Variants in SLC44A5 observed in about 807,000 individuals in gnomAD.
SLC44A5 encodes choline transporter-like protein 5.
In SLC44A5, 57 loss-of-function variants were observed where a neutral mutation model predicts 101.8. The ratio of observed to expected loss-of-function variants is 0.56; its 90% confidence interval spans 0.45 to 0.70. The LOEUF (loss-of-function observed/expected upper bound fraction) is 0.70, where lower values mean the gene tolerates loss of function less well. Ranked by LOEUF, SLC44A5 falls within the 30% of genes least tolerant of loss-of-function variation. The pLI is 0.00. For missense variants in SLC44A5, 737 were observed against 853.1 expected (o/e 0.86, Z 1.70); for synonymous variants, 281 against 290.9 (o/e 0.97, Z 0.35).
chr1:75,242,232 A>G (rs1648698551), intron 8 of SLC44A5, among the ~76,000 whole-genome samples, 171 bp from the exon 9 acceptor site: 1 of 152,082 alleles, frequency 6.6e-6, no homozygotes, highest in Non-Finnish European at 1.5e-5. Flanking sequence ...CTTGCTTGAC[A>G]TTCTTAACTG....
At chr1:75,511,877 C>A (rs193270144) in intron 2 of SLC44A5, among the ~76,000 whole-genome samples, 1 of 152,270 alleles carries the variant, frequency 6.6e-6, no homozygotes, top group Admixed American at 6.5e-5. Context: ...AATCCTCTTC[C>A]CATTCAAGTG....
At chr1:75,440,363 A>G (rs141042974) in intron 2 of SLC44A5, among the ~76,000 whole-genome samples, 10 of 152,246 alleles carry the variant, frequency 6.6e-5, no homozygotes, top group African/African-American at 2.4e-4. Context: ...GCATTAAGGA[A>G]AAGATGGCAA....
intron 2 of SLC44A5, among the ~76,000 whole-genome samples, chr1:75,532,443 T>A (rs1670770522): frequency 6.6e-6 from 1 of 152,116 alleles, no homozygotes; most frequent in South Asian, 2.1e-4. Flanking sequence ...CCAGGCAAGA[T>A]GCCTGGCATG....
At chr1:75,590,046 A>G (rs1340238718) in intron 1 of SLC44A5, among the ~76,000 whole-genome samples, 1 of 152,002 alleles carries the variant, frequency 6.6e-6, no homozygotes, top group Non-Finnish European at 1.5e-5. Context: ...AGGCCCAGAG[A>G]CAGTGGATTA....
At chr1:75,605,761 T>C (rs1035881529) in intron 1 of SLC44A5, among the ~76,000 whole-genome samples, 9 of 152,062 alleles carry the variant, frequency 5.9e-5, no homozygotes, top group Admixed American at 3.3e-4. Context: ...TGAACCCTAA[T>C]CATTTATTTA....
rs556255904 is a variant in SLC44A5, at chr1:75,237,005, G to C, written c.722C>G (p.Thr241Ser). 6 of 1,595,840 alleles carry C rather than the reference G, an allele frequency of 3.8e-6. No homozygotes were observed. The African/African-American group carries it at 6.7e-5, about 18-fold the overall frequency. ...GLKVFEDYAR[T>S]WYWILIGLTI... is the part of the protein sequence containing the mutation. ...CACTTACATGAGAATCCAATACCAA[G>C]TTCTTGCATAGTCTTCAAACACTTT... Residue 241 changes from threonine (T) to serine (S), a missense_variant, in exon 11 of 24, where the codon ACT becomes AGT. Thr to Ser is a moderately conservative substitution (Grantham distance 58, BLOSUM62 1). Transcript: ENST00000370859.
intron 3 of SLC44A5, among the ~76,000 whole-genome samples, chr1:75,393,329 C>A (rs1369955706): frequency 2.0e-5 from 3 of 152,066 alleles, no homozygotes; most frequent in Admixed American, 6.6e-5. Flanking sequence ...AGTATTGATA[C>A]CTCATTTAAA....
chr1:75,575,158 A>C (rs1053667095), intron 1 of SLC44A5, among the ~76,000 whole-genome samples: 2 of 152,222 alleles, frequency 1.3e-5, no homozygotes, highest in African/African-American at 4.8e-5. Flanking sequence ...TAGATAATCA[A>C]GTTTCTTAAC....
intron 3 of SLC44A5, among the ~76,000 whole-genome samples, chr1:75,361,268 A>G (rs1477575652): frequency 6.6e-6 from 1 of 152,074 alleles, no homozygotes; most frequent in Non-Finnish European, 1.5e-5. Context: ...AGACAATTTC[A>G]CGTCTTCTTT....
chr1:75,551,490 C>T (rs190159004), intron 1 of SLC44A5, among the ~76,000 whole-genome samples: 47 of 152,130 alleles, frequency 3.1e-4, no homozygotes, highest in African/African-American at 1.1e-3. Flanking sequence ...TTAAAATGTG[C>T]TGACAAGCTG....
chr1:75,268,520 T>C (rs934964048), intron 6 of SLC44A5, among the ~76,000 whole-genome samples: 11 of 152,206 alleles, frequency 7.2e-5, no homozygotes, highest in Non-Finnish European at 1.3e-4. Flanking sequence ...TTGTTTTTAC[T>C]ATAACCTCAG....
chr1:75,683,005 A>G, the SLC44A5 span, among the ~76,000 whole-genome samples: 2 of 152,266 alleles, frequency 1.3e-5, no homozygotes, highest in Admixed American at 1.3e-4. Context: ...ACATGAAAAA[A>G]TGCTCACCAT....
intron 2 of SLC44A5, among the ~76,000 whole-genome samples, chr1:75,452,895 G>A (rs1665983895): frequency 6.6e-6 from 1 of 152,100 alleles, no homozygotes; most frequent in Non-Finnish European, 1.5e-5. Flanking sequence ...CATAAAACAA[G>A]TACTTCTAGA....
intron 2 of SLC44A5, among the ~76,000 whole-genome samples, chr1:75,514,261 T>C (rs1669711939): frequency 6.6e-6 from 1 of 152,232 alleles, no homozygotes; most frequent in African/African-American, 2.4e-5. Flanking sequence ...AGCTGTATAC[T>C]TTAAATCCAC....
chr1:75,576,565 A>T (rs1311099770), intron 1 of SLC44A5, among the ~76,000 whole-genome samples: 1 of 152,052 alleles, frequency 6.6e-6, no homozygotes, highest in South Asian at 2.1e-4. Context: ...TGATCCGTCC[A>T]CTGTGGCCTC....
In SLC44A5 at chr1:75,436,502, A is replaced by G. The variant is rs375071210; in HGVS notation, c.14-39881T>C. ...AAGATTAAAAATTGTATACCTGTATAGAGCACTTACCATGAATGGAGGGTG... is the reference window on the plus strand; with the variant it reads ...AAGATTAAAAATTGTATACCTGTATGGAGCACTTACCATGAATGGAGGGTG... On this transcript the variant is annotated intron_variant, in intron 2 of 23. Transcript: ENST00000370859. Among the ~76,000 whole-genome samples, 40 of 152,298 alleles carry G rather than the reference A, an allele frequency of 2.6e-4. No individual in the cohort carries two copies. The South Asian group carries it at 8.1e-3, about 31-fold the overall frequency.
rs780254424 is a variant in SLC44A5 at position 75,219,293 on chromosome 1, C to T, written c.1230G>A (p.Gly410=). 6 of 1,612,444 alleles carry T rather than the reference C, an allele frequency of 3.7e-6. No individual in the cohort carries two copies. In the Admixed American group the frequency reaches 6.7e-5, roughly 18 times the overall value. Reference sequence around the variant, plus strand: ...AGGTTTGATTTTCATGTATACAATGCCCCCCTGGAGCTATGACTTTGTATA... The same window carrying T: ...AGGTTTGATTTTCATGTATACAATGTCCCCCTGGAGCTATGACTTTGTATA... ...VPVYKVIAPG[G]HCIHENQTCD... is the part of the protein sequence containing the mutation. Residue 410 remains glycine, a synonymous_variant, in exon 16 of 24, where the codon GGG becomes GGA. Transcript: ENST00000370859.
At chr1:75,528,820 G>A (rs1423947572) in intron 2 of SLC44A5, among the ~76,000 whole-genome samples, 1 of 152,064 alleles carries the variant, frequency 6.6e-6, no homozygotes, top group Non-Finnish European at 1.5e-5. Context: ...ATGTTCTTAT[G>A]GTTTTCCTCT....
chr1:75,219,181 C>T (rs923182540), intron 16 of SLC44A5, 76 bp downstream of exon 16: 25 of 1,068,930 alleles, frequency 2.3e-5, no homozygotes, highest in Non-Finnish European at 3.6e-5. Context: ...CGGGACAATT[C>T]CTACCACAAC....
Sources: gnomAD v4.1 joint callset for allele counts (sites outside exome capture counted in the v4.1 genomes callset) on GRCh38, gnomAD v4.1.1 for gene constraint, MANE v1.5 for transcripts, NCBI Gene and HGNC (gene_info 2026-07-23, HGNC 2026-07-21) for gene names.